RAB3GAP1: variants seen among roughly 807,000 people sequenced by gnomAD.
The protein encoded by RAB3GAP1 is rab3 GTPase-activating protein catalytic subunit.
A neutral mutation model predicts 130.7 loss-of-function variants in RAB3GAP1; 86 were observed. That is an observed-to-expected ratio of 0.66 (90% CI 0.55 to 0.79). The LOEUF is 0.79. Ranked by LOEUF, RAB3GAP1 falls within the 30% of genes least tolerant of loss-of-function variation. The probability of loss-of-function intolerance (pLI) is 0.00; values close to 1 mark genes in which losing one functional copy is unlikely to be tolerated. For missense variants in RAB3GAP1, 1,029 were observed against 1,169.4 expected (o/e 0.88, Z 1.75); for synonymous variants, 367 against 401.7 (o/e 0.91, Z 1.03).
intron 5 of RAB3GAP1, among the ~76,000 whole-genome samples, chr2:135,094,459 A>G (rs941807976): frequency 2.6e-5 from 4 of 152,024 alleles, no homozygotes; most frequent in Admixed American, 2.6e-4. Context: ...TAGGCACCCT[A>G]TTTTGCTACT....
At chr2:135,086,783 C>T (rs1035184766) in intron 3 of RAB3GAP1, among the ~76,000 whole-genome samples, 3 of 150,192 alleles carry the variant, frequency 2.0e-5, no homozygotes, top group Non-Finnish European at 3.0e-5. Context: ...AAGTGATCCT[C>T]CTGCCTTAGC....
intron 4 of RAB3GAP1, 57 bp downstream of exon 4, chr2:135,091,187 T>A: frequency 2.0e-6 from 3 of 1,467,754 alleles, no homozygotes; most frequent in Non-Finnish European, 2.8e-6. Context: ...GGCTGTAATT[T>A]TGAATTATTA....
chr2:135,174,817 A>G (rs1023595149), downstream of RAB3GAP1, among the ~76,000 whole-genome samples: 2 of 152,232 alleles, frequency 1.3e-5, no homozygotes, highest in Admixed American at 1.3e-4. Context: ...TGAAGTCACA[A>G]CATCACGAAG....
intron 5 of RAB3GAP1, among the ~76,000 whole-genome samples, chr2:135,103,999 T>C (rs1264123392): frequency 6.6e-6 from 1 of 152,176 alleles, no homozygotes. Context: ...AGTTGCAATT[T>C]TGAATGCATT....
At chr2:135,136,896 A>G (rs1280016199) in intron 17 of RAB3GAP1, 4 of 258,234 alleles carry the variant, frequency 1.5e-5, no homozygotes, top group Non-Finnish European at 3.0e-5. Context: ...ACCAGCCTGT[A>G]TAAGAAAGTA....
chr2:135,133,736 A>T, intron 14 of RAB3GAP1, 125 bp from the exon 15 acceptor site: 1 of 770,580 alleles, frequency 1.3e-6, no homozygotes, highest in Non-Finnish European at 2.2e-6. Context: ...TAGACATTTG[A>T]TAATGCCTAG....
Position 135,086,267 on chromosome 2 carries a change from C to A in RAB3GAP1, c.151-4731C>A, listed in dbSNP as rs367897988. On this transcript the variant is annotated intron_variant, in intron 3 of 23. Coordinates refer to ENST00000264158, the MANE Select transcript of RAB3GAP1 (RefSeq NM_012233.3). ...GAGTTGCTAGGTCTTAGGGTAGTTA[C>A]ATGTTTACTTTTATTAAAAACTGGC... is the stretch of plus-strand genomic sequence containing the variant. 1.2e-4 allele frequency among the ~76,000 whole-genome samples: 18 copies of A among 152,234 alleles called. No homozygotes were observed. In the East Asian group the frequency reaches 3.1e-3, roughly 26 times the overall value.
At chr2:135,117,466 C>T (rs1691013199) in intron 7 of RAB3GAP1, among the ~76,000 whole-genome samples, 1 of 135,190 alleles carries the variant, frequency 7.4e-6, no homozygotes, top group Non-Finnish European at 1.6e-5. Flanking sequence ...GCTTCTGCTT[C>T]TGCTTCTGCT....
At chr2:135,086,391 T>A (rs774976162) in intron 3 of RAB3GAP1, among the ~76,000 whole-genome samples, 11 of 152,200 alleles carry the variant, frequency 7.2e-5, no homozygotes, top group Non-Finnish European at 1.5e-4. Flanking sequence ...TTGTCAGATT[T>A]TTATATTTAG....
At chr2:135,094,887 T>A (rs1045164670) in intron 5 of RAB3GAP1, among the ~76,000 whole-genome samples, 1 of 152,230 alleles carries the variant, frequency 6.6e-6, no homozygotes, top group Non-Finnish European at 1.5e-5. Flanking sequence ...CATTCTTTTT[T>A]ATGGCTGAAT....
chr2:135,125,771 A>T (rs931092271), intron 9 of RAB3GAP1, among the ~76,000 whole-genome samples: 2 of 152,174 alleles, frequency 1.3e-5, no homozygotes, highest in African/African-American at 4.8e-5. Flanking sequence ...CTTTAAATTT[A>T]TGGATTTTTT....
intron 5 of RAB3GAP1, among the ~76,000 whole-genome samples, chr2:135,112,573 C>A (rs140820829): frequency 1.3e-5 from 2 of 152,252 alleles, no homozygotes; most frequent in East Asian, 3.9e-4. Flanking sequence ...TCTCCCACCA[C>A]ACACCTCTCC....
intron 5 of RAB3GAP1, among the ~76,000 whole-genome samples, chr2:135,095,192 G>A (rs1050940097): frequency 1.3e-5 from 2 of 152,148 alleles, no homozygotes; most frequent in Non-Finnish European, 2.9e-5. Context: ...GGGACTACAT[G>A]TGTCCACCAC....
chr2:135,083,621 T>TA (rs531615771), intron 3 of RAB3GAP1, among the ~76,000 whole-genome samples: 620 of 150,840 alleles, frequency 4.1e-3, no homozygotes, highest in Middle Eastern at 0.02. Flanking sequence ...ACCAACACAT[T>TA]AAAAAAAAAT....
At chr2:135,091,433 T>A (rs556845250) in intron 4 of RAB3GAP1, among the ~76,000 whole-genome samples, 17 of 152,276 alleles carry the variant, frequency 1.1e-4, no homozygotes, top group African/African-American at 3.6e-4. Flanking sequence ...AAGTGCATCC[T>A]GAAGTACAGA....
At chr2:135,143,943 G>A (rs998902302) in intron 17 of RAB3GAP1, among the ~76,000 whole-genome samples, 4 of 152,192 alleles carry the variant, frequency 2.6e-5, no homozygotes, top group Admixed American at 6.5e-5. Context: ...TTCACTGTTT[G>A]TTCATACATT....
At chr2:135,115,505 G>T in intron 7 of RAB3GAP1, 124 bp downstream of exon 7, 1 of 954,232 alleles carries the variant, frequency 1.0e-6, no homozygotes. Context: ...TTAGAAGAAA[G>T]CTATAAGTGA....
At chr2:135,127,128 G>C (rs1691372910) in intron 11 of RAB3GAP1, among the ~76,000 whole-genome samples, 1 of 151,054 alleles carries the variant, frequency 6.6e-6, no homozygotes, top group African/African-American at 2.4e-5. Context: ...GCCCGCCTCG[G>C]CCTCCCAAAG....
intron 3 of RAB3GAP1, among the ~76,000 whole-genome samples, chr2:135,078,946 C>T (rs1327036930): frequency 6.6e-6 from 1 of 152,172 alleles, no homozygotes; most frequent in African/African-American, 2.4e-5. Context: ...TGGCTCACTG[C>T]AACCTCTGCT....
Sources: gnomAD v4.1 joint callset for allele counts (sites outside exome capture counted in the v4.1 genomes callset) on GRCh38, gnomAD v4.1.1 for gene constraint, MANE v1.5 for transcripts, NCBI Gene and HGNC (gene_info 2026-07-23, HGNC 2026-07-21) for gene names.